Variants in PRDM1 observed in about 807,000 individuals in gnomAD.
PRDM1 encodes PR domain zinc finger protein 1.
Under a neutral mutation model 62.8 loss-of-function variants are expected in PRDM1, and 13 were observed. That is an observed-to-expected ratio of 0.21 (90% confidence interval 0.13 to 0.33). The LOEUF (loss-of-function observed/expected upper bound fraction) is 0.33, where lower values mean the gene tolerates loss of function less well. Ranked by LOEUF, PRDM1 falls within the 10% of genes least tolerant of loss-of-function variation. PRDM1 has a pLI of 1.00. For missense variants in PRDM1, 895 were observed against 1,058.8 expected (o/e 0.85, Z 2.15); for synonymous variants, 396 against 417.6 (o/e 0.95, Z 0.63).
At chr6:106,016,469 A>G (rs1772621889) in intron 1 of PRDM1, among the ~76,000 whole-genome samples, 1 of 152,170 alleles carries the variant, frequency 6.6e-6, no homozygotes, top group African/African-American at 2.4e-5. Flanking sequence ...GGGTACCCGC[A>G]GATTAACAAG....
intron 1 of PRDM1, among the ~76,000 whole-genome samples, chr6:106,006,682 T>C (rs758687231): frequency 6.6e-6 from 1 of 151,904 alleles, no homozygotes; most frequent in Non-Finnish European, 1.5e-5. Flanking sequence ...AACGAAGAAA[T>C]TACTTCCTTC....
chr6:106,049,404 C>G (rs1236213757), intron 1 of PRDM1, among the ~76,000 whole-genome samples: 1 of 152,178 alleles, frequency 6.6e-6, no homozygotes, highest in Non-Finnish European at 1.5e-5. Context: ...CTTTAGTAAA[C>G]AGACACTTCC....
intron 2 of PRDM1, 60 bp downstream of exon 2, chr6:106,088,509 C>T: frequency 1.9e-6 from 3 of 1,593,796 alleles, no homozygotes; most frequent in Non-Finnish European, 2.6e-6. Context: ...TCCCTACTTG[C>T]CCTTGAGGCC....
intron 1 of PRDM1, among the ~76,000 whole-genome samples, chr6:106,006,902 T>G (rs1378976285): frequency 6.6e-6 from 1 of 151,994 alleles, no homozygotes; most frequent in African/African-American, 2.4e-5. Flanking sequence ...TCAAACTCTC[T>G]GCTCAGTGAT....
intron 2 of PRDM1, among the ~76,000 whole-genome samples, chr6:106,094,997 C>A (rs1774057916): frequency 2.1e-5 from 3 of 144,502 alleles, no homozygotes; most frequent in Admixed American, 7.0e-5. Context: ...CAGAGAAGAA[C>A]AAAGTTACTT....
chr6:106,098,405 G>C (rs185822352), intron 3 of PRDM1: 1 of 985,180 alleles, frequency 1.0e-6, no homozygotes, highest in South Asian at 4.7e-5. Context: ...CTGTTATCCA[G>C]AAGTAGTATT....
Position 106,108,678 on chromosome 6 carries a change from G to A in PRDM1, c.*1192G>A, listed in dbSNP as rs766868701. On this transcript the variant is annotated 3_prime_UTR_variant, in exon 7 of 7. Transcript: ENST00000369096. ...TCATCTTGGGGTAAAAGCGGGTAAT[G>A]AACATTCCTATCCCCAACACATCAA... is the stretch of plus-strand genomic sequence containing the variant. 8.6e-6 allele frequency: 2 copies of A among 233,384 alleles called. No homozygotes were observed. The highest frequency in any genetic ancestry group is 8.5e-6 in the Non-Finnish European group (1 of 117,996). 14.5% of individuals were successfully genotyped at this position (233,384 alleles called of 1,614,324 possible). A position where few individuals can be genotyped will look rare whatever the true frequency, so the allele number is the denominator to read the frequency against.
chr6:106,072,334 G>A (rs1189176257), intron 1 of PRDM1: 1 of 152,208 alleles, frequency 6.6e-6, no homozygotes, highest in Non-Finnish European at 1.5e-5. Flanking sequence ...TAGGTCTTAA[G>A]CAGAATTCCA....
chr6:106,019,167 G>A (rs1298876870), intron 1 of PRDM1, among the ~76,000 whole-genome samples: 1 of 146,576 alleles, frequency 6.8e-6, no homozygotes, highest in Admixed American at 7.2e-5. Context: ...TCAGGAAGCT[G>A]AGGCACAAGA....
chr6:106,098,922 C>T, intron 3 of PRDM1: 1 of 1,514,172 alleles, frequency 6.6e-7, no homozygotes, highest in Non-Finnish European at 8.8e-7. Flanking sequence ...TAAAAGTCAG[C>T]ATAATCGGAA....
At chr6:106,087,613 G>A (rs1183312009) in intron 1 of PRDM1, 1 of 232,612 alleles carries the variant, frequency 4.3e-6, no homozygotes, top group Non-Finnish European at 8.5e-6. Context: ...GGATGAAAGA[G>A]AGCTCGCAGC....
In PRDM1 at chr6:106,106,004, A is replaced by G; in HGVS notation, c.1773+71A>G. The G allele has an allele frequency of 6.5e-7, 1 of 1,540,212 alleles. No homozygotes were observed. Among genetic ancestry groups the G allele is most frequent in the Non-Finnish European group, 8.7e-7 (1 of 1,143,084 alleles). Reference sequence around the variant, plus strand: ...TGTGTTTGTATTTAGCTTGCTTTCCATGGGGTATCGATTGCATTTGCAGTA... The same window carrying G: ...TGTGTTTGTATTTAGCTTGCTTTCCGTGGGGTATCGATTGCATTTGCAGTA... On this transcript the variant is annotated intron_variant, in intron 5 of 6. Coordinates refer to ENST00000369096, the MANE Select transcript of PRDM1 (RefSeq NM_001198.4). This position sits in a 1 kb window ranked among gnomAD's most constrained non-coding sequence, Gnocchi z 4.4.
intron 1 of PRDM1, among the ~76,000 whole-genome samples, chr6:106,074,320 G>A (rs1773566881): frequency 1.3e-5 from 2 of 152,104 alleles, no homozygotes; most frequent in African/African-American, 2.4e-5. Flanking sequence ...AGTCTCTAGG[G>A]ATTGTAATTT....
chr6:106,105,501 C>T lies in PRDM1; in HGVS notation c.1341C>T (p.Tyr447=), dbSNP rs760989626. The change falls in exon 5 of 7, where the codon TAC becomes TAT. Residue 447 remains tyrosine, a synonymous_variant. Transcript: ENST00000369096. The stretch of plus-strand genomic sequence containing the variant: ...TCTTCCCGAGGCTGTGCCCTGTCTA[C>T]AGCAATCTCCTCGGTGGGGGCAGCC... ...FGLFPRLCPV[Y]SNLLGGGSLP... The T allele has an allele frequency of 6.2e-7, 1 of 1,614,052 alleles. No homozygotes were observed. The highest frequency in any genetic ancestry group is 8.5e-7 in the Non-Finnish European group (1 of 1,180,002).
intron 2 of PRDM1, among the ~76,000 whole-genome samples, chr6:106,091,755 G>A (rs553763652): frequency 1.3e-5 from 2 of 151,568 alleles, no homozygotes; most frequent in African/African-American, 2.4e-5. Context: ...CCCAGGCAAC[G>A]AGAGTGAAAC....
In PRDM1 at chr6:106,009,600, C is replaced by A. The variant is rs117707659; in HGVS notation, c.-67+15961C>A. ...GGGGAAAACTGTATCAAGGTGGAAA[C>A]CATAAATGAACAAATTAGGGGTGCA... On this transcript the variant is annotated intron_variant, in intron 1 of 6. Coordinates refer to the PRDM1 transcript ENST00000652320. 3.2e-4 allele frequency among the ~76,000 whole-genome samples: 49 copies of A among 152,192 alleles called. No homozygotes were observed. The East Asian group carries it at 8.5e-3, about 26-fold the overall frequency.
chr6:106,016,067 C>A (rs912959078), intron 1 of PRDM1, among the ~76,000 whole-genome samples: 1 of 152,064 alleles, frequency 6.6e-6, no homozygotes, highest in African/African-American at 2.4e-5. Context: ...TAAAATCATA[C>A]AATATTTGGC....
chr6:106,099,610 T>C, intron 4 of PRDM1, 58 bp downstream of exon 4: 12 of 1,589,878 alleles, frequency 7.5e-6, no homozygotes, highest in Non-Finnish European at 9.4e-6. Context: ...TTCTGCCCCT[T>C]TGAACTAATA....
At chr6:106,098,490 C>G (rs1774174170) in intron 3 of PRDM1, 4 of 1,190,682 alleles carry the variant, frequency 3.4e-6, no homozygotes, top group Non-Finnish European at 4.3e-6. Flanking sequence ...TGTTCTTTTT[C>G]CAAAAACACA....
Sources: allele counts gnomAD v4.1 joint callset (sites outside exome capture counted in the v4.1 genomes callset), GRCh38; gene constraint gnomAD v4.1.1; non-coding constraint Gnocchi (gnomAD v3.1); transcripts MANE v1.5; gene names NCBI Gene and HGNC (gene_info 2026-07-23, HGNC 2026-07-21).